SYNPR: variants seen among roughly 807,000 people sequenced by gnomAD.
The protein encoded by SYNPR is synaptoporin.
In SYNPR, 23 loss-of-function variants were observed where a neutral mutation model predicts 32.9. The observed-to-expected ratio is 0.70, with a 90% CI of 0.50 to 0.99. The LOEUF (loss-of-function observed/expected upper bound fraction) is 0.99, where lower values mean the gene tolerates loss of function less well. SYNPR is among the 50% of genes least tolerant of loss of function. SYNPR has a pLI of 0.00. For synonymous variants in SYNPR, 146 were observed against 135.9 expected, an observed-to-expected ratio of 1.07 and a Z score of -0.52; for missense variants, 318 against 349.3, an observed-to-expected ratio of 0.91 and a Z score of 0.71.
intron 3 of SYNPR, among the ~76,000 whole-genome samples, chr3:63,546,880 G>T (rs779027480): frequency 2.7e-4 from 41 of 152,100 alleles, no homozygotes; most frequent in Non-Finnish European, 4.4e-4. Context: ...GCATGCTGTT[G>T]TTGCAAGCCT....
At chr3:63,426,485 G>C (rs1429744380) in intron 2 of SYNPR, among the ~76,000 whole-genome samples, 1 of 152,162 alleles carries the variant, frequency 6.6e-6, no homozygotes, top group African/African-American at 2.4e-5. Context: ...CAGGCAATGG[G>C]GGGTATGGGA....
chr3:63,554,522 G>A (rs753600916), intron 3 of SYNPR, among the ~76,000 whole-genome samples: 2 of 152,106 alleles, frequency 1.3e-5, no homozygotes, highest in Admixed American at 1.3e-4. Flanking sequence ...ACGGTTATAA[G>A]TGTATGGTTT....
chr3:63,298,174 C>T (rs1325781117), intron 2 of SYNPR, among the ~76,000 whole-genome samples: 1 of 152,102 alleles, frequency 6.6e-6, no homozygotes, highest in Non-Finnish European at 1.5e-5. Flanking sequence ...AAACTAAATT[C>T]CTCCAATTGT....
chr3:63,509,246 CATACACACACAATT>C (rs1324897673), intron 3 of SYNPR, among the ~76,000 whole-genome samples: 1 of 140,306 alleles, frequency 7.1e-6, no homozygotes, highest in African/African-American at 3.0e-5. Context: ...TATACACACA[CATACACACACAATT>C]AAGGCTGAAA....
At chr3:63,311,797 T>C (rs954210411) in intron 2 of SYNPR, among the ~76,000 whole-genome samples, 2 of 152,084 alleles carry the variant, frequency 1.3e-5, no homozygotes, top group East Asian at 3.9e-4. Flanking sequence ...TAAAAAGTGC[T>C]TTCAATATCC....
intron 2 of SYNPR, among the ~76,000 whole-genome samples, chr3:63,358,683 T>A (rs994140526): frequency 6.6e-6 from 1 of 152,162 alleles, no homozygotes; most frequent in African/African-American, 2.4e-5. Flanking sequence ...ACTGCAACAT[T>A]AATTAGAACT....
intron 2 of SYNPR, among the ~76,000 whole-genome samples, chr3:63,359,601 A>G (rs966747058): frequency 6.6e-6 from 1 of 152,172 alleles, no homozygotes; most frequent in African/African-American, 2.4e-5. Flanking sequence ...CTGTGAGGTC[A>G]CTTTGAGCAG....
chr3:63,307,824 T>G (rs555212834), intron 2 of SYNPR, among the ~76,000 whole-genome samples: 1 of 152,026 alleles, frequency 6.6e-6, no homozygotes, highest in Non-Finnish European at 1.5e-5. Context: ...GAAGCCTATT[T>G]AGAAAGCTGC....
At chr3:63,594,255 G>A (rs1699894728) in intron 4 of SYNPR, among the ~76,000 whole-genome samples, 1 of 152,054 alleles carries the variant, frequency 6.6e-6, no homozygotes, top group South Asian at 2.1e-4. Context: ...AACCTATGTT[G>A]CAACCAAAGT....
At chr3:63,226,361 A>G (rs374689905), upstream of SYNPR, among the ~76,000 whole-genome samples, 1 of 152,222 alleles carries the variant, frequency 6.6e-6, no homozygotes, top group African/African-American at 2.4e-5. Flanking sequence ...GTATGTATCC[A>G]AAGGAAAAGA....
chr3:63,334,789 A>T (rs1392714870), intron 2 of SYNPR, among the ~76,000 whole-genome samples: 1 of 152,014 alleles, frequency 6.6e-6, no homozygotes, highest in African/African-American at 2.4e-5. Flanking sequence ...TACTAAAATT[A>T]TTAGGTTGAT....
chr3:63,366,863 G>GTACA (rs2087734222), intron 2 of SYNPR, among the ~76,000 whole-genome samples: 1 of 152,100 alleles, frequency 6.6e-6, no homozygotes, highest in Admixed American at 6.6e-5. Flanking sequence ...CACAGTTAGT[G>GTACA]TACAGACTGA....
intron 3 of SYNPR, among the ~76,000 whole-genome samples, chr3:63,541,152 A>G (rs889457203): frequency 4.6e-5 from 7 of 151,628 alleles, no homozygotes; most frequent in African/African-American, 1.5e-4. Flanking sequence ...TGCCCACCGC[A>G]GAGAGAAAGA....
At chr3:63,481,829 A>C (rs1372410817) in intron 3 of SYNPR, among the ~76,000 whole-genome samples, 2 of 152,116 alleles carry the variant, frequency 1.3e-5, no homozygotes, top group Non-Finnish European at 2.9e-5. Context: ...TGCAGGATCT[A>C]GGACAGGAGA....
chr3:63,511,863 T>C (rs555659465), intron 3 of SYNPR, among the ~76,000 whole-genome samples: 2 of 152,306 alleles, frequency 1.3e-5, no homozygotes, highest in East Asian at 3.9e-4. Context: ...TAGTCTCTTC[T>C]CTTTTCTTCA....
intron 2 of SYNPR, among the ~76,000 whole-genome samples, chr3:63,437,987 G>A (rs919168241): frequency 2.6e-5 from 4 of 152,202 alleles, no homozygotes; most frequent in African/African-American, 9.6e-5. Flanking sequence ...CCAGCACAAT[G>A]TCTGCCTAAA....
At chr3:63,327,874 C>T (rs2037568) in intron 2 of SYNPR, among the ~76,000 whole-genome samples, 31,911 of 151,904 alleles carry the variant, frequency 0.21, 3,826 homozygotes, top group South Asian at 0.37. Flanking sequence ...TCTGAAAATT[C>T]ATTGAGCTGT....
intron 3 of SYNPR, among the ~76,000 whole-genome samples, chr3:63,527,982 C>T (rs185598588): frequency 6.0e-4 from 91 of 152,228 alleles, no homozygotes; most frequent in African/African-American, 2.0e-3. Flanking sequence ...TTAAATAATG[C>T]ATAGAGAAAT....
At chr3:63,304,626 G>A (rs2086891566) in intron 2 of SYNPR, among the ~76,000 whole-genome samples, 1 of 151,836 alleles carries the variant, frequency 6.6e-6, no homozygotes, top group Non-Finnish European at 1.5e-5. Context: ...TCATATGAAT[G>A]ACTCATGCAG....
Sources: gnomAD v4.1 joint callset for allele counts (sites outside exome capture counted in the v4.1 genomes callset) on GRCh38, gnomAD v4.1.1 for gene constraint, MANE v1.5 for transcripts, NCBI Gene and HGNC (gene_info 2026-07-23, HGNC 2026-07-21) for gene names.